The following AGBL1 variants were observed in gnomAD, a reference collection of about 807,000 sequenced individuals.
AGBL1 encodes the protein AGBL carboxypeptidase 1.
In AGBL1, 130 loss-of-function variants were observed where a neutral mutation model predicts 118.9. That is an observed-to-expected ratio of 1.09 (90% CI 0.95 to 1.26). AGBL1 has a LOEUF of 1.26. Ranked by LOEUF, AGBL1 falls within the 50% of genes most tolerant of loss-of-function variation. AGBL1 has a pLI of 0.00. For synonymous variants in AGBL1, 555 were observed against 478.9 expected, an observed-to-expected ratio of 1.16 and a Z score of -2.08; for missense variants, 1,584 against 1,298.1, an observed-to-expected ratio of 1.22 and a Z score of -3.38.
intron 22 of AGBL1, among the ~76,000 whole-genome samples, chr15:86,742,146 C>A (rs1221221708): frequency 1.3e-5 from 2 of 152,042 alleles, no homozygotes; most frequent in Admixed American, 6.6e-5. Context: ...CATGGCTATT[C>A]TTTTTATTGG....
chr15:86,995,335 T>A (rs8037899), intron 24 of AGBL1, among the ~76,000 whole-genome samples: 14,959 of 152,104 alleles, frequency 0.098, 1,300 homozygotes, highest in African/African-American at 0.23. Flanking sequence ...GTAGTGAGCC[T>A]GGATGGTGCC....
intron 22 of AGBL1, among the ~76,000 whole-genome samples, chr15:86,879,418 C>T (rs919672455): frequency 2.6e-5 from 4 of 152,110 alleles, no homozygotes; most frequent in African/African-American, 9.7e-5. Context: ...TAGAGGCCTG[C>T]TGTGCTTTTG....
At chr15:86,765,255 A>G (rs918017912) in intron 22 of AGBL1, among the ~76,000 whole-genome samples, 3 of 151,894 alleles carry the variant, frequency 2.0e-5, no homozygotes, top group Admixed American at 1.3e-4. Context: ...TGCAAAAAAT[A>G]TGCTTTTTCC....
intron 22 of AGBL1, among the ~76,000 whole-genome samples, chr15:86,864,732 T>C (rs1001750508): frequency 1.3e-5 from 2 of 152,214 alleles, no homozygotes; most frequent in East Asian, 3.9e-4. Context: ...TAGTGGAGCA[T>C]TCAACAAACA....
chr15:86,858,969 A>G (rs1166217679), intron 22 of AGBL1, among the ~76,000 whole-genome samples: 1 of 152,134 alleles, frequency 6.6e-6, no homozygotes, highest in Non-Finnish European at 1.5e-5. Flanking sequence ...AACCTCAAAA[A>G]AGGCTACTTA....
Position 86,911,309 on chromosome 15 carries a change from G to T in AGBL1, c.*4015G>T, listed in dbSNP as rs1376621648. ...AACTTCTCTGATGGGCAAAGGTTGG[G>T]AGCTTTCTGATTTCACCTTTAAGAT... On this transcript the variant is annotated 3_prime_UTR_variant, in exon 23 of 23. Transcript: ENST00000614907. 6.6e-6 allele frequency: 1 copy of T among 152,426 alleles called. No homozygotes were observed. Among genetic ancestry groups the T allele is most frequent in the Non-Finnish European group, 1.5e-5 (1 of 68,272 alleles). 9.4% of individuals were successfully genotyped at this position (152,426 alleles called of 1,614,324 possible). A position where few individuals can be genotyped will look rare whatever the true frequency, so the allele number is the denominator to read the frequency against.
At chr15:86,778,337 C>A (rs1475070118) in intron 22 of AGBL1, among the ~76,000 whole-genome samples, 1 of 152,088 alleles carries the variant, frequency 6.6e-6, no homozygotes, top group Non-Finnish European at 1.5e-5. Context: ...TATCAGGAGA[C>A]AGGGTTTGAG....
chr15:86,488,749 C>T (rs1031255440), intron 18 of AGBL1, among the ~76,000 whole-genome samples: 4 of 152,062 alleles, frequency 2.6e-5, no homozygotes, highest in African/African-American at 9.7e-5. Flanking sequence ...CCCCTCTCTA[C>T]CGGGCCCTTT....
chr15:86,699,861 C>A (rs2086325841), intron 22 of AGBL1, among the ~76,000 whole-genome samples: 1 of 152,012 alleles, frequency 6.6e-6, no homozygotes, highest in Non-Finnish European at 1.5e-5. Context: ...TACCCTGAGA[C>A]TATATAAATG....
At chr15:86,802,179 A>G (rs757405853) in intron 22 of AGBL1, among the ~76,000 whole-genome samples, 1 of 152,100 alleles carries the variant, frequency 6.6e-6, no homozygotes, top group African/African-American at 2.4e-5. Context: ...TTATTTTTCA[A>G]GTTTGACTCA....
At chr15:86,209,595 G>T (rs1245286873) in intron 5 of AGBL1, among the ~76,000 whole-genome samples, 3 of 151,974 alleles carry the variant, frequency 2.0e-5, no homozygotes, top group Non-Finnish European at 2.9e-5. Flanking sequence ...TTTGATCTTT[G>T]TTGGTTTAAA....
chr15:86,509,830 T>G (rs2083030938), intron 18 of AGBL1, among the ~76,000 whole-genome samples: 1 of 152,062 alleles, frequency 6.6e-6, no homozygotes, highest in African/African-American at 2.4e-5. Flanking sequence ...TGTTCTAATT[T>G]TCTGCTTTAA....
chr15:86,980,591 A>G (rs908289899), intron 23 of AGBL1, among the ~76,000 whole-genome samples: 1 of 152,184 alleles, frequency 6.6e-6, no homozygotes, highest in African/African-American at 2.4e-5. Context: ...TGCAGCAGAC[A>G]TATTAGAGAG....
At chr15:86,274,559 C>A (rs1311360881) in intron 15 of AGBL1, among the ~76,000 whole-genome samples, 1 of 152,072 alleles carries the variant, frequency 6.6e-6, no homozygotes, top group African/African-American at 2.4e-5. Flanking sequence ...AAGCTAAAAG[C>A]AAAAGAAAAA....
chr15:86,518,694 T>C (rs1235140908), intron 18 of AGBL1, among the ~76,000 whole-genome samples: 1 of 152,102 alleles, frequency 6.6e-6, no homozygotes, highest in Admixed American at 6.6e-5. Flanking sequence ...TAAGGATGCC[T>C]GACCCTCAGT....
intron 22 of AGBL1, among the ~76,000 whole-genome samples, chr15:86,827,096 G>C (rs1480684163): frequency 6.6e-6 from 1 of 150,620 alleles, no homozygotes; most frequent in Non-Finnish European, 1.5e-5. Flanking sequence ...AGGGCCCTGT[G>C]CTAGGATTAC....
At chr15:86,384,699 A>T (rs546185473) in intron 17 of AGBL1, among the ~76,000 whole-genome samples, 151 of 152,258 alleles carry the variant, frequency 9.9e-4, no homozygotes, top group African/African-American at 3.5e-3. Context: ...CCTCTTGGTT[A>T]TCTGAAAATT....
At position 86,545,401 on chromosome 15, in the gene AGBL1, AT is replaced by A. The variant is rs1005822933; in HGVS notation, c.2686-593del. ...ATCTTTCCTATTGACTTTTATTTTA[AT>A]TTTTTTTAACCTTCAAGTTCAGGGG... On this transcript the variant is annotated intron_variant, in intron 19 of 22. Coordinates refer to ENST00000614907, the MANE Select transcript of AGBL1 (RefSeq NM_001386094.1). Among the ~76,000 whole-genome samples, 14 of 151,926 alleles carry A rather than the reference AT, an allele frequency of 9.2e-5. 1 individual carries two copies. The East Asian group carries it at 1.5e-3, about 17-fold the overall frequency.
chr15:86,586,959 G>C (rs1348421041), intron 21 of AGBL1, among the ~76,000 whole-genome samples: 1 of 152,122 alleles, frequency 6.6e-6, no homozygotes, highest in Non-Finnish European at 1.5e-5. Context: ...TGAGCTTTAA[G>C]GGTTTGTGAG....
Sources: gnomAD v4.1 joint callset for allele counts (sites outside exome capture counted in the v4.1 genomes callset) on GRCh38, gnomAD v4.1.1 for gene constraint, MANE v1.5 for transcripts, NCBI Gene and HGNC (gene_info 2026-07-23, HGNC 2026-07-21) for gene names.